Variants in KPNA7 observed in about 807,000 individuals in gnomAD.
KPNA7 encodes importin subunit alpha-8.
A neutral mutation model predicts 53.7 loss-of-function variants in KPNA7; 54 were observed. The ratio of observed to expected loss-of-function variants is 1.01; its 90% confidence interval spans 0.81 to 1.26. The LOEUF (loss-of-function observed/expected upper bound fraction) is 1.26, where lower values mean the gene tolerates loss of function less well. KPNA7 is among the 50% of genes most tolerant of loss of function. The probability of loss-of-function intolerance (pLI) is 0.00; values close to 1 mark genes in which losing one functional copy is unlikely to be tolerated. For synonymous variants in KPNA7, 276 were observed against 259.3 expected, an observed-to-expected ratio of 1.06 and a Z score of -0.62; for missense variants, 640 against 644.5, an observed-to-expected ratio of 0.99 and a Z score of 0.07.
downstream of KPNA7, among the ~76,000 whole-genome samples, chr7:99,171,953 T>TTGG (rs1162505705): frequency 6.6e-6 from 1 of 152,134 alleles, no homozygotes; most frequent in East Asian, 1.9e-4. Context: ...GACAAGCATG[T>TTGG]TGGTAGATTA....
At chr7:99,197,020 A>AAAC (rs139221110) in intron 3 of KPNA7, among the ~76,000 whole-genome samples, 5,329 of 151,006 alleles carry the variant, frequency 0.035, 128 homozygotes, top group African/African-American at 0.072. Flanking sequence ...ATATGCTTAA[A>AAAC]AACAACAACA....
rs556637909 is a variant in KPNA7, at chr7:99,208,072, A to G, written c.-68T>C. Among the ~76,000 whole-genome samples, 4 of 151,948 alleles carry G rather than the reference A, an allele frequency of 2.6e-5. No homozygotes were observed. The South Asian group carries it at 8.3e-4, about 32-fold the overall frequency. The stretch of plus-strand genomic sequence containing the variant: ...TCTGGACTTCTCAGCTCCATGTCCT[A>G]TTTCTGCAAGACCTGCTTGTTGGCA... On this transcript the variant is annotated 5_prime_UTR_variant, in exon 1 of 11. Coordinates refer to ENST00000327442, the MANE Select transcript of KPNA7 (RefSeq NM_001145715.3).
intron 3 of KPNA7, among the ~76,000 whole-genome samples, chr7:99,202,648 C>A (rs1790602268): frequency 6.6e-6 from 1 of 151,886 alleles, no homozygotes; most frequent in Admixed American, 6.6e-5. Flanking sequence ...GGTTCGAGAC[C>A]CTCCTGGTAA....
At chr7:99,214,959 A>G (rs1273218857) in intron 1 of KPNA7, among the ~76,000 whole-genome samples, 1 of 152,140 alleles carries the variant, frequency 6.6e-6, no homozygotes, top group African/African-American at 2.4e-5. Context: ...AGCATGCATG[A>G]GGAAGAGGCC....
Position 99,207,463 on chromosome 7 carries a change from G to C in KPNA7, c.4C>G (p.Pro2Ala). Residue 2 changes from proline (P) to alanine (A), a missense_variant, in exon 2 of 11, where the codon CCG (proline) becomes GCG (alanine). Coordinates refer to ENST00000327442, the MANE Select transcript of KPNA7 (RefSeq NM_001145715.3). M[P>A]TLDAPEERRR... Reference sequence around the variant, plus strand: ...CTCTCTTCTGGAGCATCTAAGGTCGGCATATTGACTGGAAGTAGTAAGTTA... The same window carrying C: ...CTCTCTTCTGGAGCATCTAAGGTCGCCATATTGACTGGAAGTAGTAAGTTA... The C allele has an allele frequency of 6.4e-7, 1 of 1,551,174 alleles. No individual in the cohort carries two copies.
At chr7:99,147,844 C>G in the KPNA7 span, among the ~76,000 whole-genome samples, 1 of 151,770 alleles carries the variant, frequency 6.6e-6, no homozygotes, top group African/African-American at 2.4e-5. Context: ...AACGAGACCC[C>G]CATCTCTACA....
At chr7:99,152,253 A>G in the KPNA7 span, among the ~76,000 whole-genome samples, 141,347 of 151,902 alleles carry the variant, frequency 0.93, 65,916 homozygotes, top group East Asian at 1. Flanking sequence ...TCCCAGTTAC[A>G]CGGGAGGCTG....
At chr7:99,192,299 T>A (rs1442048050) in intron 6 of KPNA7, among the ~76,000 whole-genome samples, 1 of 152,198 alleles carries the variant, frequency 6.6e-6, no homozygotes, top group African/African-American at 2.4e-5. Flanking sequence ...TTTTGCAAGA[T>A]GGCAAGCTTG....
intron 7 of KPNA7, among the ~76,000 whole-genome samples, chr7:99,186,400 G>A (rs1047282282): frequency 6.6e-6 from 1 of 152,194 alleles, no homozygotes; most frequent in Non-Finnish European, 1.5e-5. Flanking sequence ...GTGAGAGGTA[G>A]AAGTGTACTT....
the KPNA7 span, among the ~76,000 whole-genome samples, chr7:99,147,942 A>C: frequency 6.6e-6 from 1 of 152,060 alleles, no homozygotes. Context: ...GCTTGAGCCC[A>C]GTAGCGCAAG....
intron 1 of KPNA7, among the ~76,000 whole-genome samples, 76 bp downstream of exon 1, chr7:99,207,952 G>A (rs1424888731): frequency 6.7e-6 from 1 of 149,526 alleles, no homozygotes; most frequent in African/African-American, 2.5e-5. Flanking sequence ...TTATTTTTTG[G>A]GACCAGAGAA....
chr7:99,184,579 CTAAAAA>C lies in KPNA7; in HGVS notation c.1134+344_1134+349del, dbSNP rs1241401279. Among the ~76,000 whole-genome samples, 7 of 152,230 alleles carry C rather than the reference CTAAAAA, an allele frequency of 4.6e-5. No homozygotes were observed. In the South Asian group the frequency reaches 1.0e-3, roughly 23 times the overall value. ...ACCATAGCATGATATGTTTTTCCTC[CTAAAAA>C]TAAAAGCTCCACCCTCTTTTGGTAG... On this transcript the variant is annotated intron_variant, in intron 8 of 10. Coordinates refer to ENST00000327442, the MANE Select transcript of KPNA7 (RefSeq NM_001145715.3).
intron 3 of KPNA7, among the ~76,000 whole-genome samples, chr7:99,200,204 A>G (rs181453453): frequency 2.6e-5 from 4 of 152,046 alleles, no homozygotes; most frequent in Admixed American, 2.6e-4. Flanking sequence ...GGCCTGGCTA[A>G]TTTTCGTATT....
chr7:99,213,501 C>T (rs1385073866), intron 1 of KPNA7, among the ~76,000 whole-genome samples: 13 of 148,004 alleles, frequency 8.8e-5, no homozygotes, highest in East Asian at 8.1e-4. Flanking sequence ...TGAAGTGCAG[C>T]GGAGCAATCA....
At chr7:99,181,384 G>A (rs545643587) in intron 9 of KPNA7, among the ~76,000 whole-genome samples, 1 of 152,144 alleles carries the variant, frequency 6.6e-6, no homozygotes, top group Non-Finnish European at 1.5e-5. Flanking sequence ...CATTACAGCA[G>A]GGACTTTGCA....
the KPNA7 span, among the ~76,000 whole-genome samples, chr7:99,160,037 T>TA: frequency 6.9e-6 from 1 of 145,620 alleles, no homozygotes; most frequent in African/African-American, 2.6e-5. Flanking sequence ...TTTTTTTTTT[T>TA]TTTTTGAGAC....
At chr7:99,212,515 A>G (rs566433519), upstream of KPNA7, among the ~76,000 whole-genome samples, 20 of 151,826 alleles carry the variant, frequency 1.3e-4, no homozygotes, top group African/African-American at 4.8e-4. Context: ...CGGTCCCCCA[A>G]AGTGCTGGGA....
the KPNA7 span, among the ~76,000 whole-genome samples, chr7:99,150,257 G>A: frequency 6.6e-6 from 1 of 151,450 alleles, no homozygotes; most frequent in Admixed American, 6.6e-5. Context: ...CACCAAACCT[G>A]GCTAATTTTT....
chr7:99,170,442 A>G (rs1025941322), downstream of KPNA7, among the ~76,000 whole-genome samples: 2 of 146,054 alleles, frequency 1.4e-5, no homozygotes, highest in Non-Finnish European at 3.0e-5. Context: ...AGAATGGGAC[A>G]AGAAAATGAG....
Sources: allele counts gnomAD v4.1 joint callset (sites outside exome capture counted in the v4.1 genomes callset), GRCh38; gene constraint gnomAD v4.1.1; transcripts MANE v1.5; gene names NCBI Gene and HGNC (gene_info 2026-07-23, HGNC 2026-07-21).